The following IGSF21 variants were observed in gnomAD, a reference collection of about 807,000 sequenced individuals.
IGSF21 encodes the protein immunoglobulin superfamily member 21.
Under a neutral mutation model 46.8 loss-of-function variants are expected in IGSF21, and 28 were observed. The observed-to-expected ratio is 0.60, with a 90% CI of 0.44 to 0.82. The LOEUF is 0.82. IGSF21 is among the 40% of genes least tolerant of loss of function. The pLI is 0.00. For missense variants in IGSF21, 624 were observed against 665.5 expected (o/e 0.94, Z 0.69); for synonymous variants, 284 against 273.6 (o/e 1.04, Z -0.38).
At chr1:18,138,536 C>T (rs2086387151) in intron 1 of IGSF21, among the ~76,000 whole-genome samples, 3 of 152,114 alleles carry the variant, frequency 2.0e-5, no homozygotes, top group African/African-American at 7.2e-5. Context: ...GGGATGTGGG[C>T]TGGGAAAAGA....
At chr1:18,182,160 T>G (rs2086863166) in intron 1 of IGSF21, among the ~76,000 whole-genome samples, 1 of 150,100 alleles carries the variant, frequency 6.7e-6, no homozygotes. Flanking sequence ...TTGCCACCAC[T>G]TCTGAAAGGT....
At chr1:18,267,653 C>T (rs2085002684) in intron 2 of IGSF21, among the ~76,000 whole-genome samples, 1 of 152,232 alleles carries the variant, frequency 6.6e-6, no homozygotes, top group South Asian at 2.1e-4. Context: ...GGACCTGGGA[C>T]TTTCCCAGAC....
At chr1:18,205,322 G>A (rs1338864828) in intron 1 of IGSF21, among the ~76,000 whole-genome samples, 1 of 152,124 alleles carries the variant, frequency 6.6e-6, no homozygotes, top group African/African-American at 2.4e-5. Context: ...GAAATCACCA[G>A]AGAGAGATGT....
rs115484970 is a variant in IGSF21 at position 18,292,973 on chromosome 1, A to T, written c.305+986A>T. On this transcript the variant is annotated intron_variant, in intron 3 of 9. Transcript: ENST00000251296. Reference sequence around the variant, plus strand: ...TGGTCTGCTCCAAAGCTGGAGGGGGACCGTGCTGCATCGGGTACCGTGAGG... The same window carrying T: ...TGGTCTGCTCCAAAGCTGGAGGGGGTCCGTGCTGCATCGGGTACCGTGAGG... Among the ~76,000 whole-genome samples, 615 of 152,268 alleles carry T rather than the reference A, an allele frequency of 4.0e-3. 7 individuals are homozygous for T. The highest frequency in any genetic ancestry group is 0.023 in the South Asian group (109 of 4,820).
At chr1:18,200,989 AG>A (rs1194879436) in intron 1 of IGSF21, among the ~76,000 whole-genome samples, 1 of 152,196 alleles carries the variant, frequency 6.6e-6, no homozygotes, top group Non-Finnish European at 1.5e-5. Context: ...TACATGAGAC[AG>A]GGGCCACACT....
At chr1:18,138,765 T>C (rs762514572) in intron 1 of IGSF21, among the ~76,000 whole-genome samples, 2 of 152,196 alleles carry the variant, frequency 1.3e-5, no homozygotes, top group Non-Finnish European at 2.9e-5. Context: ...TGGCATCTGC[T>C]CCCTCGCCAC....
intron 2 of IGSF21, among the ~76,000 whole-genome samples, chr1:18,246,702 G>C (rs1477547374): frequency 6.6e-6 from 1 of 152,160 alleles, no homozygotes; most frequent in Non-Finnish European, 1.5e-5. Context: ...AGTGTGGTTT[G>C]TGGCAACCTG....
intron 1 of IGSF21, among the ~76,000 whole-genome samples, chr1:18,193,325 T>C (rs2086975799): frequency 6.6e-6 from 1 of 152,190 alleles, no homozygotes; most frequent in African/African-American, 2.4e-5. Flanking sequence ...ATCTGGAATC[T>C]AGTCCAAGGG....
intron 3 of IGSF21, among the ~76,000 whole-genome samples, chr1:18,299,826 C>T (rs2085344273): frequency 6.6e-6 from 1 of 152,176 alleles, no homozygotes. Flanking sequence ...CTTTCCACCC[C>T]AAGTGGGAAC....
At chr1:18,239,786 T>C (rs1359112130) in intron 2 of IGSF21, among the ~76,000 whole-genome samples, 1 of 151,200 alleles carries the variant, frequency 6.6e-6, no homozygotes, top group Admixed American at 6.6e-5. Context: ...CTTTTCCCCA[T>C]CCATTTTTCC....
At chr1:18,178,296 C>G (rs1210990207) in intron 1 of IGSF21, among the ~76,000 whole-genome samples, 2 of 152,122 alleles carry the variant, frequency 1.3e-5, no homozygotes, top group Non-Finnish European at 2.9e-5. Flanking sequence ...GTATGTTCTC[C>G]ATTTACAGAA....
Position 18,134,489 on chromosome 1 carries a change from G to A in IGSF21, c.70+26291G>A, listed in dbSNP as rs534453589. On this transcript the variant is annotated intron_variant, in intron 1 of 9. Transcript: ENST00000251296. ...CTCCCTGGGGGAGGGTTAATTACTC[G>A]CAGGCACTATCCGCTCATCTCCCAG... 5.9e-5 allele frequency among the ~76,000 whole-genome samples: 9 copies of A among 152,248 alleles called. No homozygotes were observed. In the South Asian group the frequency reaches 8.3e-4, roughly 14 times the overall value.
chr1:18,285,466 G>A, intron 2 of IGSF21, among the ~76,000 whole-genome samples: 1 of 152,146 alleles, frequency 6.6e-6, no homozygotes, highest in East Asian at 1.9e-4. Context: ...GTGGTCTCTA[G>A]GCTGACTCTT....
chr1:18,114,503 G>A (rs1267561892), intron 1 of IGSF21: 3 of 152,228 alleles, frequency 2.0e-5, no homozygotes, highest in African/African-American at 7.2e-5. Flanking sequence ...ATGTGGAATT[G>A]AGGCTGGACT....
chr1:18,312,029 C>G (rs1240016397), intron 3 of IGSF21, among the ~76,000 whole-genome samples: 3 of 152,168 alleles, frequency 2.0e-5, no homozygotes, highest in Non-Finnish European at 2.9e-5. Flanking sequence ...TCCAAAATGC[C>G]ACCCCATCAC....
chr1:18,289,892 A>C (rs2085249931), intron 2 of IGSF21, among the ~76,000 whole-genome samples: 1 of 152,152 alleles, frequency 6.6e-6, no homozygotes, highest in Non-Finnish European at 1.5e-5. Context: ...AAAAAGTCAA[A>C]TGGGTGAGGC....
intron 1 of IGSF21, among the ~76,000 whole-genome samples, chr1:18,156,376 G>T (rs1028984204): frequency 6.6e-6 from 1 of 152,170 alleles, no homozygotes; most frequent in Non-Finnish European, 1.5e-5. Flanking sequence ...CCCACTCTGC[G>T]TCTCCTCCTC....
chr1:18,129,223 G>A (rs1418956781), intron 1 of IGSF21, among the ~76,000 whole-genome samples: 1 of 152,142 alleles, frequency 6.6e-6, no homozygotes. Context: ...CAGGAAAAGG[G>A]GAGAGAGAGT....
intron 1 of IGSF21, among the ~76,000 whole-genome samples, chr1:18,153,033 A>C (rs1444984579): frequency 1.3e-5 from 2 of 152,200 alleles, no homozygotes; most frequent in Non-Finnish European, 2.9e-5. Flanking sequence ...GATTGCTTGC[A>C]GTGTGCCGGC....
Sources: allele counts gnomAD v4.1 joint callset (sites outside exome capture counted in the v4.1 genomes callset), GRCh38; gene constraint gnomAD v4.1.1; transcripts MANE v1.5; gene names NCBI Gene and HGNC (gene_info 2026-07-23, HGNC 2026-07-21).